Variants in KAT2B observed in about 807,000 individuals in gnomAD.
The protein encoded by KAT2B is lysine acetyltransferase 2B, also known as histone acetyltransferase KAT2B.
A neutral mutation model predicts 105.9 loss-of-function variants in KAT2B; 36 were observed. The ratio of observed to expected loss-of-function variants is 0.34; its 90% CI spans 0.26 to 0.45. The LOEUF is 0.45. Ranked by LOEUF, KAT2B falls within the 20% of genes least tolerant of loss-of-function variation. The pLI is 1.00. For synonymous variants in KAT2B, 397 were observed against 377.9 expected (o/e 1.05, Z -0.59); for missense variants, 820 against 1,021.6 (o/e 0.80, Z 2.69).
intron 8 of KAT2B, 34 bp downstream of exon 8, chr3:20,119,757 GACT>G: frequency 6.2e-7 from 1 of 1,610,982 alleles, no homozygotes. Context: ...AGAGGGCTGT[GACT>G]TGCTCCAGGA....
Position 20,154,205 on chromosome 3 carries a change from T to G in KAT2B, c.*1680T>G, listed in dbSNP as rs963007745. The G allele has an allele frequency of 1.3e-5, 2 of 152,616 alleles. No homozygotes were observed. Among genetic ancestry groups the G allele is most frequent in the African/African-American group, 4.8e-5 (2 of 41,440 alleles). The allele number at this position is 152,616 out of a possible 1,614,324, so 9.5% of individuals were successfully genotyped here. Reference sequence around the variant, plus strand: ...TAGAGTATTGTCTTTAAAATCAGATTGTCTCTTCTATATTGAAAGCATTTT... The same window carrying G: ...TAGAGTATTGTCTTTAAAATCAGATGGTCTCTTCTATATTGAAAGCATTTT... On this transcript the variant is annotated 3_prime_UTR_variant, in exon 18 of 18. Coordinates refer to ENST00000263754, the MANE Select transcript of KAT2B (RefSeq NM_003884.5).
chr3:20,062,576 C>G (rs1327832951), intron 1 of KAT2B, among the ~76,000 whole-genome samples: 1 of 150,278 alleles, frequency 6.7e-6, no homozygotes, highest in Non-Finnish European at 1.5e-5. Context: ...ATTCTCTTGC[C>G]TCAGCTTCCC....
chr3:20,043,515 G>A (rs1697754815), intron 1 of KAT2B, among the ~76,000 whole-genome samples: 1 of 152,128 alleles, frequency 6.6e-6, no homozygotes, highest in South Asian at 2.1e-4. Flanking sequence ...GGAAGTGTCA[G>A]TGGCTGCTAA....
chr3:20,041,004 C>T (rs1052790871), intron 1 of KAT2B, among the ~76,000 whole-genome samples: 2 of 152,126 alleles, frequency 1.3e-5, no homozygotes, highest in Admixed American at 6.5e-5. Flanking sequence ...GACGGAGAGC[C>T]CTTCATTCCT....
chr3:20,107,622 C>A (rs9682835), intron 5 of KAT2B, among the ~76,000 whole-genome samples: 137,796 of 143,262 alleles, frequency 0.96, 66,335 homozygotes, highest in East Asian at 1. Context: ...ATGCCATTGC[C>A]CTCCAGCCTG....
chr3:20,127,848 TC>T lies in KAT2B; in HGVS notation c.1749+302del, dbSNP rs1275858187. Among the ~76,000 whole-genome samples, 7 of 152,286 alleles carry T rather than the reference TC, an allele frequency of 4.6e-5. No individual in the cohort carries two copies. The East Asian group carries it at 1.2e-3, about 25-fold the overall frequency. On this transcript the variant is annotated intron_variant, in intron 11 of 17. Coordinates refer to ENST00000263754, the MANE Select transcript of KAT2B (RefSeq NM_003884.5). ...TCTCATAAGGAGCATGCAACCTAGA[TC>T]CCTTGCACGCATAGTTCACAATGGG...
intron 12 of KAT2B, chr3:20,137,699 T>C (rs1699626639): frequency 6.5e-6 from 1 of 153,458 alleles, no homozygotes; most frequent in South Asian, 2.1e-4. Context: ...TTTTTGTATT[T>C]TTAGTAGAGA....
At chr3:20,133,288 A>G (rs1699543281) in intron 11 of KAT2B, among the ~76,000 whole-genome samples, 1 of 151,960 alleles carries the variant, frequency 6.6e-6, no homozygotes, top group East Asian at 1.9e-4. Context: ...GCATTACTGG[A>G]AAAAAACTTT....
chr3:20,119,005 A>G (rs1215464955), intron 7 of KAT2B, among the ~76,000 whole-genome samples: 1 of 151,862 alleles, frequency 6.6e-6, no homozygotes, highest in Non-Finnish European at 1.5e-5. Flanking sequence ...AATGTGGTTT[A>G]TTGCAATTTT....
chr3:20,081,131 C>G (rs1276796683), intron 2 of KAT2B, among the ~76,000 whole-genome samples: 1 of 152,188 alleles, frequency 6.6e-6, no homozygotes, highest in Non-Finnish European at 1.5e-5. Context: ...CTTCTAGCCT[C>G]GATGCCAAAT....
At chr3:20,078,029 G>C (rs887969251) in intron 2 of KAT2B, among the ~76,000 whole-genome samples, 2 of 152,042 alleles carry the variant, frequency 1.3e-5, no homozygotes, top group South Asian at 2.1e-4. Context: ...ACAAAAATCA[G>C]CTGGTGTGGT....
chr3:20,125,853 C>A, intron 9 of KAT2B, 52 bp from the exon 10 acceptor site: 1 of 1,445,488 alleles, frequency 6.9e-7, no homozygotes, highest in Non-Finnish European at 9.7e-7. Context: ...CCCATCCCCA[C>A]TGTCTTGAGA....
In KAT2B at chr3:20,105,631, A is replaced by G. The variant is rs1311770085; in HGVS notation, c.851+4163A>G. Among the ~76,000 whole-genome samples, 6 of 151,750 alleles carry G rather than the reference A, an allele frequency of 4.0e-5. No homozygotes were observed. In the East Asian group the frequency reaches 1.2e-3, roughly 29 times the overall value. On this transcript the variant is annotated intron_variant, in intron 5 of 17. Transcript: ENST00000263754. ...ATCTCTACAAAAATAAAAATAAAAA[A>G]CTAGCTGGGTGTGGTGGCATGTGTC...
At chr3:20,051,437 C>G (rs535024856) in intron 1 of KAT2B, among the ~76,000 whole-genome samples, 1 of 152,302 alleles carries the variant, frequency 6.6e-6, no homozygotes, top group Admixed American at 6.5e-5. Context: ...CCACTTGTCC[C>G]TGGTTCTGGA....
intron 1 of KAT2B, among the ~76,000 whole-genome samples, chr3:20,059,046 C>T (rs1163120578): frequency 1.3e-5 from 2 of 152,172 alleles, no homozygotes; most frequent in African/African-American, 2.4e-5. Flanking sequence ...TCAAACTGCT[C>T]ATTTCCAAAG....
At chr3:20,062,342 A>ATT in intron 1 of KAT2B, among the ~76,000 whole-genome samples, 1 of 87,034 alleles carries the variant, frequency 1.1e-5, no homozygotes, top group Non-Finnish European at 2.3e-5. Context: ...TATAAAATAT[A>ATT]ATATATAATA....
intron 2 of KAT2B, among the ~76,000 whole-genome samples, chr3:20,089,960 TAGTG>T (rs1369968558): frequency 1.3e-5 from 2 of 150,170 alleles, no homozygotes; most frequent in Non-Finnish European, 3.0e-5. Flanking sequence ...TTGGACAACA[TAGTG>T]AGAAGCCATC....
rs550166293 is a variant in KAT2B, at chr3:20,145,554, G to GTTTTT, written c.2005-741_2005-737dup. Among the ~76,000 whole-genome samples, 471 of 91,996 alleles carry GTTTTT rather than the reference G, an allele frequency of 5.1e-3. 17 individuals carry two copies. The highest frequency in any genetic ancestry group is 0.025 in the Admixed American group (181 of 7,224). 60.4% of individuals were successfully genotyped at this position (91,996 alleles called of 152,430 possible). ...TTAATTTCCGGATGGGATTTTTTTA[G>GTTTTT]TTTTTTTTTTTTTTTTTTTTTTTTT... On this transcript the variant is annotated intron_variant, in intron 13 of 17. Coordinates refer to ENST00000263754, the MANE Select transcript of KAT2B (RefSeq NM_003884.5).
intron 1 of KAT2B, among the ~76,000 whole-genome samples, chr3:20,064,952 A>T (rs910671699): frequency 6.6e-6 from 1 of 152,080 alleles, no homozygotes; most frequent in Non-Finnish European, 1.5e-5. Flanking sequence ...ATATCTTCAC[A>T]CCCATCTCAC....
Sources: gnomAD v4.1 joint callset for allele counts (sites outside exome capture counted in the v4.1 genomes callset) on GRCh38, gnomAD v4.1.1 for gene constraint, MANE v1.5 for transcripts, NCBI Gene and HGNC (gene_info 2026-07-23, HGNC 2026-07-21) for gene names.